Variants in SPHK1 observed in about 807,000 individuals in gnomAD.
The protein encoded by SPHK1 is sphingosine kinase 1.
SPHK1 carries 10 observed loss-of-function variants against 14.6 expected under a neutral mutation model. That is an observed-to-expected ratio of 0.68 (90% CI 0.42 to 1.16). The LOEUF (loss-of-function observed/expected upper bound fraction) is 1.16. SPHK1 is among the 50% of genes most tolerant of loss of function. The pLI is 0.00. For missense variants in SPHK1, 553 were observed against 525.4 expected, an observed-to-expected ratio of 1.05 and a Z score of -0.51; for synonymous variants, 274 against 224.0, an observed-to-expected ratio of 1.22 and a Z score of -1.99.
At position 76,387,373 on chromosome 17, in the gene SPHK1, T is replaced by C. The variant is rs200799781; in HGVS notation, c.942T>C (p.Tyr314=). ...TGGAGAAGGGCAGGCATATGGAGTA[T>C]GAATGCCCCTACTTGGTATATGTGC... ...LAMEKGRHME[Y]ECPYLVYVPV... is the part of the protein sequence containing the mutation. Residue 314 remains tyrosine, a synonymous_variant, in exon 6 of 6, where the codon TAT becomes TAC. Coordinates refer to ENST00000592299, the MANE Select transcript of SPHK1 (RefSeq NM_001142601.2). The surrounding 1 kb of genome is among the most constrained non-coding windows in gnomAD (Gnocchi z 4.1). The C allele has an allele frequency of 6.8e-6, 11 of 1,613,774 alleles. No homozygotes were observed. The highest frequency in any genetic ancestry group is 3.4e-6 in the Non-Finnish European group (4 of 1,180,016).
In SPHK1 at chr17:76,385,118, G is replaced by A. The variant is rs760382825; in HGVS notation, c.-195+312G>A. 1.3e-4 allele frequency: 203 copies of A among 1,586,912 alleles called. No homozygotes were observed. The highest frequency in any genetic ancestry group is 1.7e-4 in the Non-Finnish European group (197 of 1,167,530). ...TTCGTGCCCAGCAATGTCCGCTCAAGTTCTGGGATTTTTACGCAGCTGGAC... is the reference window on the plus strand; with the variant it reads ...TTCGTGCCCAGCAATGTCCGCTCAAATTCTGGGATTTTTACGCAGCTGGAC... On this transcript the variant is annotated intron_variant, in intron 1 of 5. Coordinates refer to ENST00000592299, the MANE Select transcript of SPHK1 (RefSeq NM_001142601.2). This position sits in a 1 kb window ranked among gnomAD's most constrained non-coding sequence, Gnocchi z 5.3.
At position 76,385,703 on chromosome 17, in the gene SPHK1, C is replaced by T; in HGVS notation, c.10+49C>T. 1.3e-6 allele frequency: 2 copies of T among 1,496,284 alleles called. No homozygotes were observed. Among genetic ancestry groups the T allele is most frequent in the Non-Finnish European group, 1.8e-6 (2 of 1,113,594 alleles). 92.7% of individuals were successfully genotyped at this position (1,496,284 alleles called of 1,614,324 possible). On this transcript the variant is annotated intron_variant, in intron 2 of 5. Transcript: ENST00000592299. The surrounding 1 kb of genome is among the most constrained non-coding windows in gnomAD (Gnocchi z 5.3). ...GGGCTGTAGGGGGATTCCTGTTCCT[C>T]GCCAGGAATGATGGAACGCCCAGCT...
intron 1 of SPHK1, 118 bp downstream of exon 1, chr17:76,384,924 C>T: frequency 1.7e-6 from 1 of 590,200 alleles, no homozygotes; most frequent in Non-Finnish European, 2.7e-6. Flanking sequence ...GCTGGTGGCC[C>T]GGTTCGGGCT....
chr17:76,383,874 G>C (rs1481325867), upstream of SPHK1: 1 of 1,273,158 alleles, frequency 7.9e-7, no homozygotes, highest in Non-Finnish European at 1.0e-6. Context: ...ATCCCGACGG[G>C]GGCCCCCAGG....
Position 76,387,311 on chromosome 17 carries a change from G to A in SPHK1, c.880G>A (p.Val294Met). ...VMHLFYVRAG[V>M]SRAMLLRLFL... Reference sequence around the variant, plus strand: ...GCATCTGTTCTACGTGCGGGCGGGAGTGTCTCGTGCCATGCTGCTGCGCCT... The same window carrying A: ...GCATCTGTTCTACGTGCGGGCGGGAATGTCTCGTGCCATGCTGCTGCGCCT... The change falls in exon 6 of 6, where the codon GTG becomes ATG. Residue 294 changes from valine (V) to methionine (M), a missense_variant. Transcript: ENST00000592299. This position sits in a 1 kb window ranked among gnomAD's most constrained non-coding sequence, Gnocchi z 4.1. 6.2e-7 allele frequency: 1 copy of A among 1,613,614 alleles called. No individual in the cohort carries two copies. The highest frequency in any genetic ancestry group is 8.5e-7 in the Non-Finnish European group (1 of 1,179,962).
upstream of SPHK1, chr17:76,384,118 C>T (rs776139868): frequency 4.3e-4 from 118 of 273,452 alleles, no homozygotes; most frequent in Non-Finnish European, 8.2e-4. Flanking sequence ...CCTCGAATTT[C>T]GGGTGGGCTA....
chr17:76,385,959 T>C lies in SPHK1; in HGVS notation c.11-26T>C. The C allele has an allele frequency of 6.3e-7, 1 of 1,581,872 alleles. No individual in the cohort carries two copies. The highest frequency in any genetic ancestry group is 8.6e-7 in the Non-Finnish European group (1 of 1,161,578). On this transcript the variant is annotated intron_variant, in intron 2 of 5. Coordinates refer to ENST00000592299, the MANE Select transcript of SPHK1 (RefSeq NM_001142601.2). The surrounding 1 kb of genome is among the most constrained non-coding windows in gnomAD (Gnocchi z 5.3). The stretch of plus-strand genomic sequence containing the variant: ...GCCCCCTAGTGGTCGGTTGCGGACG[T>C]GGCCTCTTTGGTTTTGTTTTCTCAG...
At position 76,385,223 on chromosome 17, in the gene SPHK1, C is replaced by G. The variant is rs2071943905; in HGVS notation, c.-194-228C>G. 6.5e-7 allele frequency: 1 copy of G among 1,549,476 alleles called. No individual in the cohort carries two copies. Among genetic ancestry groups the G allele is most frequent in the Admixed American group, 2.0e-5 (1 of 50,576 alleles). ...ACGGGGCTCTGACTCATCCGTCGGG[C>G]CGGAACCGAACCCCAAGCCCCAGGG... is the stretch of plus-strand genomic sequence containing the variant. On this transcript the variant is annotated intron_variant, in intron 1 of 5. Transcript: ENST00000592299. This position sits in a 1 kb window ranked among gnomAD's most constrained non-coding sequence, Gnocchi z 5.3.
Position 76,386,761 on chromosome 17 carries a change from C to T in SPHK1, c.375-45C>T, listed in dbSNP as rs1191715320. ...CCCCGGGAGGAGGAAGCGGGGGATA[C>T]ATGGGGGCTCCTGTCCTGCCTTATC... On this transcript the variant is annotated intron_variant, in intron 5 of 5. Coordinates refer to ENST00000592299, the MANE Select transcript of SPHK1 (RefSeq NM_001142601.2). This position sits in a 1 kb window ranked among gnomAD's most constrained non-coding sequence, Gnocchi z 5.3. 6 of 1,513,072 alleles carry T rather than the reference C, an allele frequency of 4.0e-6. No individual in the cohort carries two copies. The highest frequency in any genetic ancestry group is 2.8e-5 in the African/African-American group (2 of 71,764). The allele number at this position is 1,513,072 out of a possible 1,614,324, so 93.7% of individuals were successfully genotyped here.
Position 76,387,479 on chromosome 17 carries a change from G to T in SPHK1, c.1048G>T (p.Val350Leu), listed in dbSNP as rs55648239. Residue 350 changes from valine (V) to leucine (L), a missense_variant, in exon 6 of 6, where the codon GTG becomes TTG. By Grantham distance (32) the Val-to-Leu change is conservative. Coordinates refer to ENST00000592299, the MANE Select transcript of SPHK1 (RefSeq NM_001142601.2). This position sits in a 1 kb window ranked among gnomAD's most constrained non-coding sequence, Gnocchi z 4.1. ...VDGELMVSEA[V>L]QGQVHPNYFW... ...TGGGGAATTGATGGTTAGCGAGGCC[G>T]TGCAGGGCCAGGTGCACCCAAACTA... The T allele has an allele frequency of 6.2e-7, 1 of 1,613,452 alleles. No individual in the cohort carries two copies. Among genetic ancestry groups the T allele is most frequent in the South Asian group, 1.1e-5 (1 of 91,082 alleles).
Position 76,386,223 on chromosome 17 carries a change from C to A in SPHK1, c.166C>A (p.Arg56=), listed in dbSNP as rs773851839. 1.3e-6 allele frequency: 2 copies of A among 1,595,502 alleles called. No homozygotes were observed. Among genetic ancestry groups the A allele is most frequent in the Non-Finnish European group, 8.5e-7 (1 of 1,176,838 alleles). ...EISFTLMLTE[R]RNHARELVRS... is the part of the protein sequence containing the mutation. ...GATAGCTGCCGGTCTCCCTGCAGAG[C>A]GGCGGAACCACGCGCGGGAGCTGGT... The change falls in exon 4 of 6, where the codon CGG becomes AGG. Residue 56 remains arginine (R), a splice_region_variant and synonymous_variant. Coordinates refer to ENST00000592299, the MANE Select transcript of SPHK1 (RefSeq NM_001142601.2). The surrounding 1 kb of genome is among the most constrained non-coding windows in gnomAD (Gnocchi z 5.3).
At position 76,386,519 on chromosome 17, in the gene SPHK1, A is replaced by G. The variant is rs2071987099; in HGVS notation, c.374+11A>G. On this transcript the variant is annotated intron_variant, in intron 5 of 5. Transcript: ENST00000592299. The surrounding 1 kb of genome is among the most constrained non-coding windows in gnomAD (Gnocchi z 5.3). ...GAACCATTATGCTGGGTGAGAGCCC[A>G]GGGCCAGAGTAGGCCTGTTTCCCGT... The G allele has an allele frequency of 6.2e-7, 1 of 1,609,132 alleles. No homozygotes were observed. Among genetic ancestry groups the G allele is most frequent in the South Asian group, 1.1e-5 (1 of 90,894 alleles).
Position 76,387,074 on chromosome 17 carries a change from G to C in SPHK1, c.643G>C (p.Val215Leu). The C allele has an allele frequency of 6.2e-7, 1 of 1,613,418 alleles. No individual in the cohort carries two copies. The highest frequency in any genetic ancestry group is 8.5e-7 in the Non-Finnish European group (1 of 1,180,026). The change falls in exon 6 of 6, where the codon GTA (valine) becomes CTA (leucine). Residue 215 changes from valine to leucine, a missense_variant. Transcript: ENST00000592299. This position sits in a 1 kb window ranked among gnomAD's most constrained non-coding sequence, Gnocchi z 4.1. ...CCGCGGCCGACTGGCCTACCTCCCT[G>C]TAGGAAGAGTGGGTTCCAAGACACC... ...TYRGRLAYLP[V>L]GRVGSKTPAS...
upstream of SPHK1, chr17:76,383,818 T>C (rs143647523): frequency 0.023 from 29,197 of 1,286,610 alleles, 437 homozygotes; most frequent in Middle Eastern, 0.075. Context: ...TTCTTCACGC[T>C]GAGCCAGAGG....
Position 76,387,830 on chromosome 17 carries a change from C to G in SPHK1, c.*244C>G. 2.0e-6 allele frequency: 1 copy of G among 488,522 alleles called. No homozygotes were observed. Among genetic ancestry groups the G allele is most frequent in the Non-Finnish European group, 3.6e-6 (1 of 277,510 alleles). 30.3% of individuals were successfully genotyped at this position (488,522 alleles called of 1,614,324 possible). ...GTTCTGAGACCCCCACCCCACGAAC[C>G]AAATCCAAATAAAGTGACATTCCCA... On this transcript the variant is annotated 3_prime_UTR_variant, in exon 6 of 6. Coordinates refer to ENST00000592299, the MANE Select transcript of SPHK1 (RefSeq NM_001142601.2). This position sits in a 1 kb window ranked among gnomAD's most constrained non-coding sequence, Gnocchi z 4.1.
Position 76,385,292 on chromosome 17 carries a change from A to C in SPHK1, c.-194-159A>C, listed in dbSNP as rs2071945804. 6.8e-7 allele frequency: 1 copy of C among 1,474,708 alleles called. No homozygotes were observed. Among genetic ancestry groups the C allele is most frequent in the Non-Finnish European group, 9.0e-7 (1 of 1,111,256 alleles). The allele number at this position is 1,474,708 out of a possible 1,614,324, so 91.4% of individuals were successfully genotyped here. The stretch of plus-strand genomic sequence containing the variant: ...CGCCCTTCTCAGGGATTGTAGGCTT[A>C]GTCACACGGCGGGGGCGCCCTCGGA... On this transcript the variant is annotated intron_variant, in intron 1 of 5. Transcript: ENST00000592299. This position sits in a 1 kb window ranked among gnomAD's most constrained non-coding sequence, Gnocchi z 5.3.
Position 76,385,505 on chromosome 17 carries a change from G to T in SPHK1, c.-140G>T. 1 of 1,552,714 alleles carries T rather than the reference G, an allele frequency of 6.4e-7. No homozygotes were observed. Among genetic ancestry groups the T allele is most frequent in the African/African-American group, 1.4e-5 (1 of 73,816 alleles). On this transcript the variant is annotated 5_prime_UTR_variant, in exon 2 of 6. Transcript: ENST00000592299. This position sits in a 1 kb window ranked among gnomAD's most constrained non-coding sequence, Gnocchi z 5.3. ...GCTCCTGCAGCCACGGCTCCGGGCG[G>T]GGAAGGCGAGCCCCACAGCCGGCCC...
Position 76,385,046 on chromosome 17 carries a change from G to C in SPHK1, c.-195+240G>C. 1 of 1,532,016 alleles carries C rather than the reference G, an allele frequency of 6.5e-7. No individual in the cohort carries two copies. Among genetic ancestry groups the C allele is most frequent in the Non-Finnish European group, 8.8e-7 (1 of 1,136,554 alleles). The allele number at this position is 1,532,016 out of a possible 1,614,324, so 94.9% of individuals were successfully genotyped here. ...CCCACCGCTCTGGAGCTCCGGGCAG[G>C]GGACACGGCAACCTGGATGGCTGGG... On this transcript the variant is annotated intron_variant, in intron 1 of 5. Coordinates refer to ENST00000592299, the MANE Select transcript of SPHK1 (RefSeq NM_001142601.2). This position sits in a 1 kb window ranked among gnomAD's most constrained non-coding sequence, Gnocchi z 5.3.
chr17:76,387,573 A>T lies in SPHK1; in HGVS notation c.1142A>T (p.Glu381Val). ...AAGCCCCAGCAGATGCCACCGCCAGAAGAGCCCTTATGACCCCTGGGCCGC... is the reference window on the plus strand; with the variant it reads ...AAGCCCCAGCAGATGCCACCGCCAGTAGAGCCCTTATGACCCCTGGGCCGC... ...SWKPQQMPPPEEPL is the reference protein window; with the variant it reads ...SWKPQQMPPPVEPL Residue 381 changes from glutamate (E) to valine (V), a missense_variant, in exon 6 of 6, where the codon GAA becomes GTA. Transcript: ENST00000592299. The surrounding 1 kb of genome is among the most constrained non-coding windows in gnomAD (Gnocchi z 4.1). 3.1e-6 allele frequency: 5 copies of T among 1,594,700 alleles called. No individual in the cohort carries two copies. Among genetic ancestry groups the T allele is most frequent in the Non-Finnish European group, 4.3e-6 (5 of 1,173,400 alleles).
Sources: allele counts gnomAD v4.1 joint callset, GRCh38; gene constraint gnomAD v4.1.1; non-coding constraint Gnocchi (gnomAD v3.1); transcripts MANE v1.5; gene names NCBI Gene and HGNC (gene_info 2026-07-23, HGNC 2026-07-21).